CHSY3: variants seen among roughly 807,000 people sequenced by gnomAD.
The protein encoded by CHSY3 is chondroitin sulfate synthase 3, also known as N-acetylgalactosaminyl-proteoglycan 3-beta-glucuronosyltransferase 3.
CHSY3 carries 35 observed loss-of-function variants against 67.2 expected under a neutral mutation model. The observed-to-expected ratio is 0.52, with a 90% CI of 0.40 to 0.69. CHSY3 has a LOEUF of 0.69. CHSY3 is among the 30% of genes least tolerant of loss of function. The pLI is 0.00. For synonymous variants in CHSY3, 474 were observed against 434.7 expected, an observed-to-expected ratio of 1.09 and a Z score of -1.12; for missense variants, 1,069 against 1,138.5, an observed-to-expected ratio of 0.94 and a Z score of 0.88.
intron 2 of CHSY3, among the ~76,000 whole-genome samples, chr5:130,144,124 C>T (rs1369693642): frequency 6.6e-6 from 1 of 150,834 alleles, no homozygotes; most frequent in African/African-American, 2.4e-5. Flanking sequence ...ATAAATATAT[C>T]TTTCCAAGCA....
At chr5:130,148,430 A>G (rs1769137361) in intron 2 of CHSY3, among the ~76,000 whole-genome samples, 1 of 152,292 alleles carries the variant, frequency 6.6e-6, no homozygotes, top group South Asian at 2.1e-4. Context: ...ATTGCTGGGT[A>G]GAACGGTAGC....
intron 2 of CHSY3, among the ~76,000 whole-genome samples, chr5:130,087,128 C>T (rs1192599319): frequency 1.3e-5 from 2 of 152,012 alleles, no homozygotes; most frequent in Non-Finnish European, 2.9e-5. Flanking sequence ...ACATGATTAT[C>T]TCAATAGATG....
chr5:129,916,466 A>C (rs1760732719), intron 2 of CHSY3, among the ~76,000 whole-genome samples: 2 of 152,188 alleles, frequency 1.3e-5, no homozygotes, highest in Admixed American at 1.3e-4. Context: ...CTGCTTTTAT[A>C]ATAATAATTT....
chr5:130,136,222 G>A (rs1383715358), intron 2 of CHSY3, among the ~76,000 whole-genome samples: 1 of 152,180 alleles, frequency 6.6e-6, no homozygotes, highest in Admixed American at 6.5e-5. Flanking sequence ...GCCAGCTAGA[G>A]AAGTGGAGTG....
chr5:130,075,985 T>A (rs1171080259), intron 2 of CHSY3, among the ~76,000 whole-genome samples: 1 of 152,158 alleles, frequency 6.6e-6, no homozygotes, highest in Non-Finnish European at 1.5e-5. Context: ...CTTTGACCCT[T>A]CCCTCATTCT....
chr5:130,155,676 T>A (rs1180164445), intron 2 of CHSY3, among the ~76,000 whole-genome samples: 2 of 152,190 alleles, frequency 1.3e-5, no homozygotes, highest in Admixed American at 1.3e-4. Context: ...CCAGATGGTT[T>A]AGGCATTATG....
chr5:130,125,447 A>ATAGATAGT (rs1293941277), intron 2 of CHSY3, among the ~76,000 whole-genome samples: 1 of 152,066 alleles, frequency 6.6e-6, no homozygotes, highest in African/African-American at 2.4e-5. Context: ...AGATAGATAG[A>ATAGATAGT]TAGATAGACA....
At chr5:130,083,641 T>C (rs555070693) in intron 2 of CHSY3, among the ~76,000 whole-genome samples, 194 of 152,080 alleles carry the variant, frequency 1.3e-3, no homozygotes, top group South Asian at 4.8e-3. Flanking sequence ...TAATAAGGGG[T>C]TTAGTTCCTT....
chr5:129,915,076 A>C (rs1760691475), intron 2 of CHSY3, among the ~76,000 whole-genome samples: 1 of 152,152 alleles, frequency 6.6e-6, no homozygotes, highest in African/African-American at 2.4e-5. Context: ...TTTTCTATTT[A>C]GTGAATTATG....
chr5:129,970,324 T>C (rs1762601280), intron 2 of CHSY3, among the ~76,000 whole-genome samples: 1 of 151,708 alleles, frequency 6.6e-6, no homozygotes, highest in Admixed American at 6.6e-5. Flanking sequence ...CTCAACATCT[T>C]TATTTGTTCG....
intron 2 of CHSY3, among the ~76,000 whole-genome samples, chr5:130,056,033 T>A (rs1765521347): frequency 6.6e-6 from 1 of 152,176 alleles, no homozygotes. Context: ...ATTAAGATTC[T>A]CCTTTGTGGA....
intron 2 of CHSY3, among the ~76,000 whole-genome samples, chr5:130,026,124 T>G (rs1001236215): frequency 6.6e-5 from 10 of 152,130 alleles, no homozygotes; most frequent in African/African-American, 2.4e-4. Flanking sequence ...GGAGAGTTAC[T>G]TGTTTGTATA....
At chr5:130,138,944 G>A (rs879485967) in intron 2 of CHSY3, among the ~76,000 whole-genome samples, 6 of 152,084 alleles carry the variant, frequency 3.9e-5, no homozygotes, top group Non-Finnish European at 5.9e-5. Flanking sequence ...ATCATTGTGT[G>A]GTTATCATAG....
In CHSY3 at chr5:129,905,493, C is replaced by A. The variant is rs1760246234; in HGVS notation, c.664C>A (p.Pro222Thr). ...PNAGQPPPPL[P>T]VIALPGVDDS... ...CGCCGGCCAGCCCCCGCCACCCCTG[C>A]CTGTCATCGCGCTACCGGGTGTGGA... is the stretch of plus-strand genomic sequence containing the variant. Residue 222 changes from proline (P) to threonine (T), a missense_variant, in exon 1 of 3, where the codon CCT becomes ACT. Pro to Thr is a conservative substitution (Grantham distance 38). Around this residue, in one of 5 missense-constraint regions of CHSY3, gnomAD observed 216 missense variants for 311.5 expected, o/e 0.69. Transcript: ENST00000305031. The A allele has an allele frequency of 6.2e-7, 1 of 1,613,020 alleles. No homozygotes were observed. Among genetic ancestry groups the A allele is most frequent in the African/African-American group, 1.3e-5 (1 of 74,930 alleles).
At chr5:129,905,739 G>A (rs936298267) in intron 1 of CHSY3, 108 bp downstream of exon 1, 1 of 1,524,120 alleles carries the variant, frequency 6.6e-7, no homozygotes. Flanking sequence ...GCCAGCACGT[G>A]CTTCGGGCTC....
At chr5:130,055,654 C>G (rs1157926500) in intron 2 of CHSY3, among the ~76,000 whole-genome samples, 1 of 152,010 alleles carries the variant, frequency 6.6e-6, no homozygotes, top group Non-Finnish European at 1.5e-5. Flanking sequence ...TATATGTCCT[C>G]TATACATCCC....
chr5:129,986,883 T>C (rs1763220458), intron 2 of CHSY3, among the ~76,000 whole-genome samples: 1 of 152,184 alleles, frequency 6.6e-6, no homozygotes, highest in South Asian at 2.1e-4. Flanking sequence ...GGTTAAGCAA[T>C]CTGCCTGCCC....
intron 2 of CHSY3, among the ~76,000 whole-genome samples, chr5:130,107,166 G>T (rs557304878): frequency 6.6e-6 from 1 of 151,030 alleles, no homozygotes; most frequent in Admixed American, 6.6e-5. Flanking sequence ...AATGATTCTT[G>T]CTTGTATAAT....
chr5:129,950,119 G>A (rs1427884238), intron 2 of CHSY3, among the ~76,000 whole-genome samples: 3 of 148,680 alleles, frequency 2.0e-5, no homozygotes, highest in Non-Finnish European at 4.4e-5. Flanking sequence ...AGTGAGCTGA[G>A]ATTGCGCCAC....
Sources: gnomAD v4.1 joint callset for allele counts (sites outside exome capture counted in the v4.1 genomes callset) on GRCh38, gnomAD v4.1.1 for gene constraint, gnomAD v4.1.1 regional missense constraint, MANE v1.5 for transcripts, NCBI Gene and HGNC (gene_info 2026-07-23, HGNC 2026-07-21) for gene names.